The following VWC2 variants were observed in gnomAD, a reference collection of about 807,000 sequenced individuals.
VWC2 encodes the protein brorin.
A neutral mutation model predicts 29.8 loss-of-function variants in VWC2; 14 were observed. The observed-to-expected ratio is 0.47, with a 90% CI of 0.31 to 0.74. VWC2 has a LOEUF of 0.74. Among genes scored for constraint, VWC2 ranks in the 30% least tolerant of loss-of-function variants. The pLI is 0.05. For missense variants in VWC2, 457 were observed against 459.8 expected (o/e 0.99, Z 0.05); for synonymous variants, 213 against 199.0 (o/e 1.07, Z -0.59).
rs76619113 is a variant in VWC2 at position 49,903,137 on chromosome 7, C to T, written c.827-8897C>T. Among the ~76,000 whole-genome samples the T allele has an allele frequency of 4.2e-3, 640 of 152,254 alleles. 3 individuals are homozygous for T. Among genetic ancestry groups the T allele is most frequent in the African/African-American group, 0.015 (622 of 41,564 alleles). The stretch of plus-strand genomic sequence containing the variant: ...AAATGCTGGTAAAGATGTGAGTAAA[C>T]TGGATTCGTGGTTGGACTGTAAATT... On this transcript the variant is annotated intron_variant, in intron 3 of 3. Coordinates refer to ENST00000340652, the MANE Select transcript of VWC2 (RefSeq NM_198570.5).
Position 49,775,420 on chromosome 7 carries a change from C to CCGGGGGG in VWC2, c.-16_-15insCGGGGGG. 2 of 1,337,524 alleles carry CCGGGGGG rather than the reference C, an allele frequency of 1.5e-6. No homozygotes were observed. The highest frequency in any genetic ancestry group is 1.9e-6 in the Non-Finnish European group (2 of 1,045,464). 82.9% of individuals were successfully genotyped at this position (1,337,524 alleles called of 1,614,324 possible). A position where few individuals can be genotyped will look rare whatever the true frequency, so the allele number is the denominator to read the frequency against. ...CCGCGCTCCCCGCCCGCCCGCCCGC[C>CCGGGGGG]GGGACGTGGTAGGGGATGCCCAGCT... On this transcript the variant is annotated 5_prime_UTR_variant, in exon 2 of 4. It removes the in-frame stop codon of an upstream open reading frame in the 5' UTR. Transcript: ENST00000340652.
chr7:49,841,801 G>A (rs1439318573), intron 3 of VWC2, among the ~76,000 whole-genome samples: 1 of 152,118 alleles, frequency 6.6e-6, no homozygotes, highest in African/African-American at 2.4e-5. Flanking sequence ...GGGAAATCAT[G>A]ACCAAAGCAA....
chr7:49,774,103 C>T lies in VWC2; in HGVS notation c.-114C>T, dbSNP rs2128699860. On this transcript the variant is annotated 5_prime_UTR_variant, in exon 1 of 4. Coordinates refer to ENST00000340652, the MANE Select transcript of VWC2 (RefSeq NM_198570.5). ...TGCGAGCCCGGCGTCCGGCCCGCGC[C>T]CTGCGCTCATGTATGTAGGTTTGGC... The T allele has an allele frequency of 6.6e-6, 1 of 152,292 alleles. No homozygotes were observed. The highest frequency in any genetic ancestry group is 2.4e-5 in the African/African-American group (1 of 41,556). 9.4% of individuals were successfully genotyped at this position (152,292 alleles called of 1,614,324 possible).
intron 3 of VWC2, among the ~76,000 whole-genome samples, chr7:49,859,618 C>T (rs1173654471): frequency 1.3e-5 from 2 of 152,200 alleles, no homozygotes; most frequent in Non-Finnish European, 2.9e-5. Flanking sequence ...TTCTGTTACA[C>T]AGGTGTATTT....
At chr7:49,904,011 T>G (rs757882589) in intron 3 of VWC2, among the ~76,000 whole-genome samples, 3 of 152,160 alleles carry the variant, frequency 2.0e-5, no homozygotes, top group Non-Finnish European at 2.9e-5. Flanking sequence ...CACCCCACCC[T>G]AATCTTATTT....
chr7:49,911,796 C>T (rs911904536), intron 3 of VWC2, among the ~76,000 whole-genome samples: 8 of 151,754 alleles, frequency 5.3e-5, no homozygotes, highest in African/African-American at 1.9e-4. Context: ...ACTTGAAAGG[C>T]TGAGGCAGGA....
chr7:49,844,100 C>A (rs901432008), intron 3 of VWC2, among the ~76,000 whole-genome samples: 9 of 152,122 alleles, frequency 5.9e-5, no homozygotes, highest in African/African-American at 2.2e-4. Flanking sequence ...GAGAGGATGG[C>A]AACAGGTGGA....
chr7:49,787,435 C>T (rs1788323563), intron 2 of VWC2, among the ~76,000 whole-genome samples: 1 of 152,184 alleles, frequency 6.6e-6, no homozygotes, highest in Admixed American at 6.5e-5. Context: ...AGTCACTATT[C>T]TTATTAATTC....
At chr7:49,851,471 A>T (rs1458298467) in intron 3 of VWC2, among the ~76,000 whole-genome samples, 1 of 152,188 alleles carries the variant, frequency 6.6e-6, no homozygotes, top group Admixed American at 6.5e-5. Context: ...GCTTAGCGCA[A>T]TGTTATATTG....
intron 3 of VWC2, among the ~76,000 whole-genome samples, chr7:49,808,619 C>T (rs557612017): frequency 1.3e-5 from 2 of 152,124 alleles, no homozygotes; most frequent in East Asian, 3.9e-4. Context: ...TGACCCTATG[C>T]TAAGACATAA....
intron 3 of VWC2, among the ~76,000 whole-genome samples, chr7:49,884,530 C>T (rs973903303): frequency 6.6e-6 from 1 of 152,118 alleles, no homozygotes; most frequent in African/African-American, 2.4e-5. Context: ...TCCTGGGATC[C>T]ACTGAAGTTC....
chr7:49,836,442 A>G (rs1789660148), intron 3 of VWC2, among the ~76,000 whole-genome samples: 1 of 150,490 alleles, frequency 6.6e-6, no homozygotes, highest in Admixed American at 6.6e-5. Context: ...CAGTCTGGCC[A>G]ACATGGTGAA....
chr7:49,802,401 G>C (rs373478629), intron 2 of VWC2, among the ~76,000 whole-genome samples: 75 of 152,300 alleles, frequency 4.9e-4, no homozygotes, highest in African/African-American at 1.8e-3. Context: ...ACTTTGGGAG[G>C]CTGAGGCGGG....
At chr7:49,884,203 C>T (rs1791800253) in intron 3 of VWC2, among the ~76,000 whole-genome samples, 2 of 152,170 alleles carry the variant, frequency 1.3e-5, no homozygotes, top group African/African-American at 4.8e-5. Flanking sequence ...AGGCTGCTGG[C>T]TGAGGAGCCA....
At chr7:49,908,896 G>T (rs992002386) in intron 3 of VWC2, among the ~76,000 whole-genome samples, 3 of 152,114 alleles carry the variant, frequency 2.0e-5, no homozygotes, top group Non-Finnish European at 4.4e-5. Context: ...GAAAAATAAA[G>T]ATTTTATATT....
chr7:49,856,610 A>C (rs1790426331), intron 3 of VWC2, among the ~76,000 whole-genome samples: 1 of 152,222 alleles, frequency 6.6e-6, no homozygotes, highest in Non-Finnish European at 1.5e-5. Flanking sequence ...TAGTGTTTAC[A>C]ATTTGGTGAG....
In VWC2 at chr7:49,913,214, A is replaced by G. The variant is rs74855773; in HGVS notation, c.*1029A>G. ...AACCTTGAATTAGCCACCCTTCACAAGCAGAGTGAGGAAGCAGTTATTTTG... is the reference window on the plus strand; with the variant it reads ...AACCTTGAATTAGCCACCCTTCACAGGCAGAGTGAGGAAGCAGTTATTTTG... On this transcript the variant is annotated 3_prime_UTR_variant, in exon 4 of 4. Transcript: ENST00000340652. 3.9e-5 allele frequency: 6 copies of G among 152,330 alleles called. No homozygotes were observed. In the East Asian group the frequency reaches 1.2e-3, roughly 29 times the overall value. 9.4% of individuals were successfully genotyped at this position (152,330 alleles called of 1,614,324 possible). A position where few individuals can be genotyped will look rare whatever the true frequency, so the allele number is the denominator to read the frequency against.
intron 3 of VWC2, among the ~76,000 whole-genome samples, chr7:49,810,253 A>G (rs2202769): frequency 0.1 from 15,881 of 152,070 alleles, 1,038 homozygotes; most frequent in East Asian, 0.18. Context: ...TTTGTAGTAT[A>G]CAATGGATAA....
chr7:49,788,575 A>C (rs62454411), intron 2 of VWC2, among the ~76,000 whole-genome samples: 1 of 145,522 alleles, frequency 6.9e-6, no homozygotes, highest in Non-Finnish European at 1.5e-5. Context: ...GAGTGTGGGC[A>C]TGTGCGACAC....
Sources: gnomAD v4.1 joint callset for allele counts (sites outside exome capture counted in the v4.1 genomes callset) on GRCh38, gnomAD v4.1.1 for gene constraint, MANE v1.5 for transcripts, NCBI Gene and HGNC (gene_info 2026-07-23, HGNC 2026-07-21) for gene names.